Variants in PDGFA observed in about 807,000 individuals in gnomAD.
PDGFA encodes the protein platelet-derived growth factor subunit A.
A neutral mutation model predicts 25.6 loss-of-function variants in PDGFA; 9 were observed. That is an observed-to-expected ratio of 0.35 (90% CI 0.21 to 0.61). The LOEUF is 0.61. Ranked by LOEUF, PDGFA falls within the 20% of genes least tolerant of loss-of-function variation. PDGFA has a pLI of 0.75. For synonymous variants in PDGFA, 133 were observed against 111.8 expected (o/e 1.19, Z -1.20); for missense variants, 242 against 272.8 (o/e 0.89, Z 0.79).
chr7:504,663 A>G (rs1782482258), intron 4 of PDGFA, among the ~76,000 whole-genome samples: 2 of 152,196 alleles, frequency 1.3e-5, no homozygotes, highest in South Asian at 2.1e-4. Flanking sequence ...GGGCTCTGAA[A>G]TCTGGGTTCG....
intron 1 of PDGFA, chr7:518,608 C>G (rs1279999230): frequency 6.5e-6 from 2 of 310,006 alleles, no homozygotes; most frequent in Non-Finnish European, 1.2e-5. Context: ...CACACACCCC[C>G]TTCCCCGCTC....
At chr7:512,515 G>T (rs377748638) in intron 2 of PDGFA, 60 bp from the exon 3 acceptor site, 11 of 1,609,486 alleles carry the variant, frequency 6.8e-6, no homozygotes, top group East Asian at 6.7e-5. Context: ...CCCTGGGCCT[G>T]TCCAGCCGCA....
intron 2 of PDGFA, among the ~76,000 whole-genome samples, chr7:514,551 TA>T (rs1783002331): frequency 1.3e-5 from 2 of 152,134 alleles, no homozygotes; most frequent in Non-Finnish European, 2.9e-5. Flanking sequence ...GAATCACCCC[TA>T]AAACTGCTCC....
intron 4 of PDGFA, among the ~76,000 whole-genome samples, chr7:508,651 C>A (rs559185078): frequency 1.3e-5 from 2 of 148,628 alleles, no homozygotes; most frequent in Non-Finnish European, 3.0e-5. Flanking sequence ...GACTAGGGGC[C>A]GCACCCGCCT....
chr7:515,767 T>C (rs935362513), intron 2 of PDGFA, among the ~76,000 whole-genome samples: 1 of 150,876 alleles, frequency 6.6e-6, no homozygotes, highest in Admixed American at 6.6e-5. Context: ...GCATCCTTGT[T>C]TTTTTCTGTT....
rs186927529 is a variant in PDGFA, at chr7:505,287, C to T, written c.454-4045G>A. Among the ~76,000 whole-genome samples the T allele has an allele frequency of 1.4e-4, 22 of 152,304 alleles. No individual in the cohort carries two copies. In the East Asian group the frequency reaches 3.9e-3, roughly 27 times the overall value. The stretch of plus-strand genomic sequence containing the variant: ...GGTCCCCATGTCCCTCCCCTTTTTC[C>T]GTCCCAGAGATGTGGGCTGCACCTT... On this transcript the variant is annotated intron_variant, in intron 4 of 5. Coordinates refer to ENST00000402802, the Ensembl canonical transcript of PDGFA.
upstream of PDGFA, chr7:520,003 C>T (rs1323094146): frequency 8.1e-6 from 3 of 369,780 alleles, no homozygotes; most frequent in Admixed American, 3.3e-5. Flanking sequence ...AGGGCCCGGG[C>T]GCCGCCGCCG....
chr7:501,373 T>C (rs1782332179), intron 4 of PDGFA, 131 bp from the exon 5 acceptor site: 1 of 1,093,016 alleles, frequency 9.1e-7, no homozygotes, highest in South Asian at 1.4e-5. Context: ...CCAGAAACAC[T>C]ACCTTGTGGT....
chr7:500,308 A>T lies in PDGFA; in HGVS notation c.580+808T>A. ...AGACCCAAGCCCAGCAGACACCATC[A>T]AGGCCAATCAGGGCCACATCCCCGC... On this transcript the variant is annotated intron_variant, in intron 5 of 5. Coordinates refer to ENST00000402802, the Ensembl canonical transcript of PDGFA. The surrounding 1 kb of genome is among the most constrained non-coding windows in gnomAD (Gnocchi z 5.0). 1 of 1,053,940 alleles carries T rather than the reference A, an allele frequency of 9.5e-7. No homozygotes were observed. Among genetic ancestry groups the T allele is most frequent in the Non-Finnish European group, 1.4e-6 (1 of 703,770 alleles). 65.3% of individuals were successfully genotyped at this position (1,053,940 alleles called of 1,614,324 possible). A position where few individuals can be genotyped will look rare whatever the true frequency, so the allele number is the denominator to read the frequency against.
At chr7:508,204 G>T (rs996224858) in intron 4 of PDGFA, among the ~76,000 whole-genome samples, 1 of 152,110 alleles carries the variant, frequency 6.6e-6, no homozygotes. Flanking sequence ...CACAACAGTG[G>T]GGGGCGGGGG....
rs1200002975 is a variant in PDGFA at position 517,729 on chromosome 7, G to GT, written c.64-240_64-239insA. 6.9e-6 allele frequency among the ~76,000 whole-genome samples: 1 copy of GT among 145,116 alleles called. No homozygotes were observed. Among genetic ancestry groups the GT allele is most frequent in the Non-Finnish European group, 1.5e-5 (1 of 65,988 alleles). On this transcript the variant is annotated intron_variant, in intron 1 of 5. Transcript: ENST00000402802. This position sits in a 1 kb window ranked among gnomAD's most constrained non-coding sequence, Gnocchi z 7.4. Reference sequence around the variant, plus strand: ...ATGTTCCGCCCTTTGCAAAATCAAAGCCCCCCCCCCTTTATATTTTCAGAC... The same window carrying GT: ...ATGTTCCGCCCTTTGCAAAATCAAAGTCCCCCCCCCCTTTATATTTTCAGAC...
chr7:503,376 C>T (rs1031826136), intron 4 of PDGFA, among the ~76,000 whole-genome samples: 1 of 152,144 alleles, frequency 6.6e-6, no homozygotes, highest in African/African-American at 2.4e-5. Context: ...CATGGGGAAA[C>T]TGAGGCTAGA....
chr7:502,626 C>T (rs565196826), intron 4 of PDGFA, among the ~76,000 whole-genome samples: 1 of 152,196 alleles, frequency 6.6e-6, no homozygotes, highest in Non-Finnish European at 1.5e-5. Flanking sequence ...GCGAGCCACG[C>T]CTGCCCTCAA....
chr7:518,923 CG>C lies in PDGFA; in HGVS notation c.63+15del. On this transcript the variant is annotated intron_variant, in intron 1 of 5. Coordinates refer to ENST00000402802, the Ensembl canonical transcript of PDGFA. ...GAGGAGCCGGCGCAGGGACGGGGCG[CG>C]GGGGCGGCACCAACCTCGGCCAGAA... 5 of 1,504,968 alleles carry C rather than the reference CG, an allele frequency of 3.3e-6. No individual in the cohort carries two copies. The highest frequency in any genetic ancestry group is 2.6e-5 in the East Asian group (1 of 38,100). The allele number at this position is 1,504,968 out of a possible 1,614,324, so 93.2% of individuals were successfully genotyped here.
At chr7:518,840 G>T in intron 1 of PDGFA, 99 bp downstream of exon 1, 1 of 707,724 alleles carries the variant, frequency 1.4e-6, no homozygotes, top group Non-Finnish European at 2.2e-6. Flanking sequence ...ACCCTGGCAG[G>T]AACCAAAACG....
chr7:513,503 A>G (rs952698037), intron 2 of PDGFA: 1 of 133,832 alleles, frequency 7.5e-6, no homozygotes. Context: ...GTCTCTTCCC[A>G]TCTCCCTCCA....
intron 4 of PDGFA, among the ~76,000 whole-genome samples, chr7:502,597 G>A (rs999419769): frequency 2.0e-5 from 3 of 152,148 alleles, no homozygotes; most frequent in African/African-American, 7.2e-5. Context: ...CCCCTCTTCG[G>A]ACTGGACTTT....
chr7:505,530 C>T (rs1202894657), intron 4 of PDGFA, among the ~76,000 whole-genome samples: 3 of 152,204 alleles, frequency 2.0e-5, no homozygotes, highest in Non-Finnish European at 4.4e-5. Flanking sequence ...GGGGACCCCA[C>T]CCCAACTCCA....
rs1470633609 is a variant in PDGFA at position 517,926 on chromosome 7, A to T, written c.64-436T>A. On this transcript the variant is annotated intron_variant, in intron 1 of 5. Coordinates refer to ENST00000402802, the Ensembl canonical transcript of PDGFA. This position sits in a 1 kb window ranked among gnomAD's most constrained non-coding sequence, Gnocchi z 7.4. ...CACGGCAGCCCTAACACTTTAATCCAGGCAGGGCTTAAATTTCACGCCCCG... is the reference window on the plus strand; with the variant it reads ...CACGGCAGCCCTAACACTTTAATCCTGGCAGGGCTTAAATTTCACGCCCCG... Among the ~76,000 whole-genome samples, 3 of 152,100 alleles carry T rather than the reference A, an allele frequency of 2.0e-5. No individual in the cohort carries two copies. The highest frequency in any genetic ancestry group is 1.5e-5 in the Non-Finnish European group (1 of 68,008).
Sources: allele counts gnomAD v4.1 joint callset (sites outside exome capture counted in the v4.1 genomes callset), GRCh38; gene constraint gnomAD v4.1.1; non-coding constraint Gnocchi (gnomAD v3.1); transcripts MANE v1.5; gene names NCBI Gene and HGNC (gene_info 2026-07-23, HGNC 2026-07-21).